Variants in ESRRG observed in about 807,000 individuals in gnomAD.
ESRRG encodes the protein estrogen-related receptor gamma.
A neutral mutation model predicts 44.0 loss-of-function variants in ESRRG; 13 were observed. The ratio of observed to expected loss-of-function variants is 0.30; its 90% confidence interval spans 0.19 to 0.47. The LOEUF is 0.47. ESRRG is among the 20% of genes least tolerant of loss of function. The pLI, the probability that ESRRG is intolerant of heterozygous loss-of-function variation, is 1.00. For synonymous variants in ESRRG, 215 were observed against 214.6 expected (o/e 1.00, Z -0.02); for missense variants, 395 against 580.6 (o/e 0.68, Z 3.29).
intron 1 of ESRRG, among the ~76,000 whole-genome samples, chr1:216,959,321 C>T (rs932163660): frequency 3.3e-4 from 46 of 137,466 alleles, no homozygotes; most frequent in African/African-American, 1.1e-3. Context: ...ATTTTAAAAG[C>T]GGCAGATATA....
At chr1:216,531,001 C>T (rs563303739) in intron 5 of ESRRG, among the ~76,000 whole-genome samples, 11 of 152,108 alleles carry the variant, frequency 7.2e-5, no homozygotes, top group African/African-American at 2.2e-4. Context: ...GTGTCTTTAA[C>T]ATATGCCCTA....
intron 3 of ESRRG, among the ~76,000 whole-genome samples, chr1:216,635,753 A>T (rs918226123): frequency 2.0e-5 from 3 of 152,118 alleles, no homozygotes; most frequent in East Asian, 3.9e-4. Flanking sequence ...CACACAGAGC[A>T]TTATCGGGGA....
chr1:216,720,674 T>C (rs966587593), intron 1 of ESRRG, among the ~76,000 whole-genome samples: 14 of 152,072 alleles, frequency 9.2e-5, no homozygotes, highest in Non-Finnish European at 1.0e-4. Flanking sequence ...TTAATTAGTA[T>C]AGATTTTAAA....
intron 3 of ESRRG, among the ~76,000 whole-genome samples, chr1:216,624,631 G>A (rs575810893): frequency 3.9e-5 from 6 of 152,218 alleles, no homozygotes; most frequent in African/African-American, 1.4e-4. Context: ...TAGGCTATTC[G>A]TGAGCTAATA....
intron 1 of ESRRG, among the ~76,000 whole-genome samples, chr1:217,103,195 T>C (rs2151571254): frequency 6.6e-6 from 1 of 152,158 alleles, no homozygotes; most frequent in African/African-American, 2.4e-5. Flanking sequence ...GGAGTGGAAG[T>C]TGATCGAGAG....
At chr1:217,069,469 C>T (rs1379720029) in intron 1 of ESRRG, among the ~76,000 whole-genome samples, 1 of 151,490 alleles carries the variant, frequency 6.6e-6, no homozygotes, top group East Asian at 1.9e-4. Flanking sequence ...CCTATTAGTT[C>T]TGTCCCTCTA....
intron 3 of ESRRG, among the ~76,000 whole-genome samples, chr1:216,637,865 TTC>T (rs1197210797): frequency 2.0e-5 from 3 of 152,140 alleles, no homozygotes; most frequent in South Asian, 2.1e-4. Context: ...TGAAATACAA[TTC>T]TGTCATGGTC....
At chr1:216,872,844 C>G (rs2096277242) in intron 2 of ESRRG, among the ~76,000 whole-genome samples, 2 of 152,106 alleles carry the variant, frequency 1.3e-5, no homozygotes, top group South Asian at 4.1e-4. Flanking sequence ...TGAAATTTTT[C>G]TGGTTTTTCT....
intron 2 of ESRRG, among the ~76,000 whole-genome samples, chr1:216,859,808 G>T (rs2096017372): frequency 2.0e-5 from 3 of 152,134 alleles, no homozygotes; most frequent in Admixed American, 2.0e-4. Flanking sequence ...GATATTAACA[G>T]AAATACAAAA....
chr1:216,729,149 G>A (rs1006993902), intron 2 of ESRRG, among the ~76,000 whole-genome samples: 12 of 152,148 alleles, frequency 7.9e-5, no homozygotes, highest in African/African-American at 1.9e-4. Flanking sequence ...TATAGAATTC[G>A]TATGGGGATT....
chr1:217,119,778 A>G (rs1031913581), intron 1 of ESRRG, among the ~76,000 whole-genome samples: 1 of 152,250 alleles, frequency 6.6e-6, no homozygotes, highest in African/African-American at 2.4e-5. Flanking sequence ...ATTTTGTGTC[A>G]TAATGTAACT....
chr1:216,832,097 T>C (rs2095496341), intron 2 of ESRRG, among the ~76,000 whole-genome samples: 2 of 152,180 alleles, frequency 1.3e-5, no homozygotes, highest in Non-Finnish European at 2.9e-5. Context: ...AACAAGGCAG[T>C]GCATTTTGTC....
At chr1:217,006,131 T>A (rs2077702871) in intron 1 of ESRRG, among the ~76,000 whole-genome samples, 1 of 152,148 alleles carries the variant, frequency 6.6e-6, no homozygotes, top group Non-Finnish European at 1.5e-5. Flanking sequence ...ATTATCAGAC[T>A]TCTTGTGTAT....
At chr1:216,661,235 T>C (rs987861820) in intron 2 of ESRRG, among the ~76,000 whole-genome samples, 4 of 152,212 alleles carry the variant, frequency 2.6e-5, no homozygotes, top group African/African-American at 9.6e-5. Flanking sequence ...ACACAGATCA[T>C]GTCACAGAAG....
chr1:216,646,263 T>C (rs1559001069), intron 3 of ESRRG, among the ~76,000 whole-genome samples: 1 of 152,138 alleles, frequency 6.6e-6, no homozygotes, highest in African/African-American at 2.4e-5. Context: ...GATGTGCTTC[T>C]ATAAAAAGTT....
At chr1:217,027,115 T>G (rs778478974) in intron 1 of ESRRG, among the ~76,000 whole-genome samples, 6 of 152,124 alleles carry the variant, frequency 3.9e-5, no homozygotes, top group Non-Finnish European at 2.9e-5. Flanking sequence ...CGATTTTGTT[T>G]TAAATCTCTC....
chr1:216,939,181 G>A (rs897191240), intron 2 of ESRRG, among the ~76,000 whole-genome samples: 3 of 151,696 alleles, frequency 2.0e-5, no homozygotes, highest in South Asian at 4.2e-4. Context: ...AGGCACCATC[G>A]AAAGACAAGA....
intron 2 of ESRRG, chr1:216,862,229 CTT>C (rs369096933): frequency 4.1e-5 from 6 of 144,756 alleles, no homozygotes; most frequent in Non-Finnish European, 6.1e-5. Flanking sequence ...AACAGTTTCC[CTT>C]TTTTTTTTTT....
In ESRRG at chr1:216,520,156, G is replaced by A. The variant is rs1287246888; in HGVS notation, c.863-735C>T. On this transcript the variant is annotated intron_variant, in intron 5 of 6. Coordinates refer to ENST00000408911, the MANE Select transcript of ESRRG (RefSeq NM_001438.4). Reference sequence around the variant, plus strand: ...AAGTTAAATATAAATAAAGGTAACAGGGTTTGGTGCAAAGGAGTCAGATTC... The same window carrying A: ...AAGTTAAATATAAATAAAGGTAACAAGGTTTGGTGCAAAGGAGTCAGATTC... 7.2e-5 allele frequency among the ~76,000 whole-genome samples: 11 copies of A among 152,188 alleles called. 1 individual carries two copies. The highest frequency in any genetic ancestry group is 7.2e-4 in the Admixed American group (11 of 15,266).
Sources: gnomAD v4.1 joint callset for allele counts (sites outside exome capture counted in the v4.1 genomes callset) on GRCh38, gnomAD v4.1.1 for gene constraint, MANE v1.5 for transcripts, NCBI Gene and HGNC (gene_info 2026-07-23, HGNC 2026-07-21) for gene names.